Variants in ZFHX3 observed in about 807,000 individuals in gnomAD.
ZFHX3 encodes the protein zinc finger homeobox 3.
In ZFHX3, 42 loss-of-function variants were observed where a neutral mutation model predicts 279.1. The observed-to-expected ratio is 0.15, with a 90% CI of 0.12 to 0.19. The LOEUF (loss-of-function observed/expected upper bound fraction) is 0.19, where lower values mean the gene tolerates loss of function less well. ZFHX3 is among the 10% of genes least tolerant of loss of function. ZFHX3 has a pLI of 1.00. For missense variants in ZFHX3, 4,981 were observed against 4,754.0 expected, an observed-to-expected ratio of 1.05 and a Z score of -1.40; for synonymous variants, 2,293 against 1,957.8, an observed-to-expected ratio of 1.17 and a Z score of -4.52.
At chr16:72,904,043 T>C (rs1476476167) in intron 3 of ZFHX3, among the ~76,000 whole-genome samples, 1 of 152,176 alleles carries the variant, frequency 6.6e-6, no homozygotes, top group Non-Finnish European at 1.5e-5. Flanking sequence ...AATATTTCTA[T>C]CCTCAGTTCT....
At chr16:72,988,591 G>C (rs1258033137) in intron 1 of ZFHX3, among the ~76,000 whole-genome samples, 1 of 152,194 alleles carries the variant, frequency 6.6e-6, no homozygotes, top group Non-Finnish European at 1.5e-5. Flanking sequence ...AAGTGATCCT[G>C]ATTGGAATTC....
intron 2 of ZFHX3, among the ~76,000 whole-genome samples, chr16:73,595,704 A>G (rs886623035): frequency 6.6e-6 from 1 of 152,084 alleles, no homozygotes; most frequent in Non-Finnish European, 1.5e-5. Flanking sequence ...ATCTCTTCTT[A>G]AATATCTCCC....
chr16:73,702,919 T>A (rs1368398085), intron 1 of ZFHX3, among the ~76,000 whole-genome samples: 1 of 152,158 alleles, frequency 6.6e-6, no homozygotes, highest in Non-Finnish European at 1.5e-5. Flanking sequence ...GAAATGAACC[T>A]CATAACTACC....
rs546649740 is a variant in ZFHX3, at chr16:73,669,093, G to C, written c.-1547+11087C>G. On this transcript the variant is annotated intron_variant, in intron 2 of 17. Coordinates refer to the ZFHX3 transcript ENST00000641206. The stretch of plus-strand genomic sequence containing the variant: ...TTTCTATTTTTTTTTAAGCTCTGTC[G>C]GCCAGGCTGGAGTGCAGTGGTGCGA... 2.8e-5 allele frequency among the ~76,000 whole-genome samples: 4 copies of C among 142,940 alleles called. No individual in the cohort carries two copies. The East Asian group carries it at 6.1e-4, about 22-fold the overall frequency. 93.8% of individuals were successfully genotyped at this position (142,940 alleles called of 152,430 possible). A position where few individuals can be genotyped will look rare whatever the true frequency, so the allele number is the denominator to read the frequency against.
chr16:73,848,010 C>G (rs2639325), intron 1 of ZFHX3, among the ~76,000 whole-genome samples: 3 of 150,210 alleles, frequency 2.0e-5, no homozygotes, highest in Admixed American at 6.7e-5. Flanking sequence ...CCACCCACCT[C>G]GGCTTCCCAA....
chr16:72,815,075 C>G (rs898041594), intron 5 of ZFHX3, among the ~76,000 whole-genome samples: 37 of 152,130 alleles, frequency 2.4e-4, no homozygotes, highest in African/African-American at 8.0e-4. Flanking sequence ...AGACATCGTA[C>G]CAAAGTCGTT....
At chr16:73,612,205 A>AT (rs528483471) in intron 2 of ZFHX3, among the ~76,000 whole-genome samples, 73 of 150,272 alleles carry the variant, frequency 4.9e-4, no homozygotes, top group African/African-American at 3.9e-4. Flanking sequence ...ACTTGCAATG[A>AT]TTTTTTTTTT....
intron 4 of ZFHX3, among the ~76,000 whole-genome samples, chr16:72,878,201 A>T (rs1029911397): frequency 6.6e-6 from 1 of 151,770 alleles, no homozygotes; most frequent in African/African-American, 2.4e-5. Context: ...CAAAAACAAA[A>T]ACAAAAAAAC....
intron 2 of ZFHX3, among the ~76,000 whole-genome samples, chr16:73,625,858 G>A (rs1476107069): frequency 2.0e-5 from 3 of 152,024 alleles, no homozygotes; most frequent in African/African-American, 7.2e-5. Context: ...TTTTCTCTTT[G>A]TTTTGTTTTT....
chr16:73,605,980 G>A (rs2052175342), intron 2 of ZFHX3, among the ~76,000 whole-genome samples: 1 of 151,552 alleles, frequency 6.6e-6, no homozygotes. Context: ...GTCAGGAGAT[G>A]AGACCATCCT....
chr16:73,577,592 C>T (rs2051813974), intron 2 of ZFHX3, among the ~76,000 whole-genome samples: 1 of 152,136 alleles, frequency 6.6e-6, no homozygotes, highest in Non-Finnish European at 1.5e-5. Context: ...TCCCAACCTC[C>T]CAAAAAATTC....
chr16:72,846,055 C>T (rs1362722853), intron 4 of ZFHX3, among the ~76,000 whole-genome samples: 1 of 152,208 alleles, frequency 6.6e-6, no homozygotes, highest in Admixed American at 6.5e-5. Flanking sequence ...GTGGCACCTA[C>T]CCCAGGCATT....
intron 2 of ZFHX3, among the ~76,000 whole-genome samples, chr16:73,459,815 C>A (rs1438837434): frequency 6.6e-6 from 1 of 151,986 alleles, no homozygotes; most frequent in African/African-American, 2.4e-5. Flanking sequence ...GAAAGAGCCC[C>A]TTACAAAACC....
At chr16:73,286,015 C>T (rs571247505) in intron 4 of ZFHX3, among the ~76,000 whole-genome samples, 3 of 152,126 alleles carry the variant, frequency 2.0e-5, no homozygotes, top group South Asian at 2.1e-4. Flanking sequence ...TCATAATATG[C>T]GCAGAAAAGC....
At chr16:73,373,242 T>C (rs1413845496) in intron 3 of ZFHX3, among the ~76,000 whole-genome samples, 3 of 152,160 alleles carry the variant, frequency 2.0e-5, no homozygotes, top group Non-Finnish European at 4.4e-5. Flanking sequence ...TGGGTGGCTA[T>C]TCATTTCCTA....
chr16:73,696,685 T>A (rs1459214568), intron 1 of ZFHX3, among the ~76,000 whole-genome samples: 1 of 152,198 alleles, frequency 6.6e-6, no homozygotes, highest in African/African-American at 2.4e-5. Context: ...GCCAGCAGAT[T>A]TGTGACCCTG....
chr16:72,871,828 G>A (rs1009187044), intron 4 of ZFHX3, among the ~76,000 whole-genome samples: 1 of 151,972 alleles, frequency 6.6e-6, no homozygotes, highest in Non-Finnish European at 1.5e-5. Context: ...GCTCACGCCT[G>A]TAATCCCAAC....
intron 7 of ZFHX3, among the ~76,000 whole-genome samples, chr16:73,129,000 C>T (rs1597168262): frequency 6.6e-6 from 1 of 152,150 alleles, no homozygotes; most frequent in African/African-American, 2.4e-5. Context: ...TGCCTACTTA[C>T]TTTGTGCTAA....
At chr16:73,084,741 C>T (rs769774890) in intron 8 of ZFHX3, among the ~76,000 whole-genome samples, 3 of 151,856 alleles carry the variant, frequency 2.0e-5, no homozygotes, top group Non-Finnish European at 4.4e-5. Flanking sequence ...AGGATGGTCT[C>T]GATCTCCTGG....
Sources: allele counts gnomAD v4.1 joint callset (sites outside exome capture counted in the v4.1 genomes callset), GRCh38; gene constraint gnomAD v4.1.1; transcripts MANE v1.5; gene names NCBI Gene and HGNC (gene_info 2026-07-23, HGNC 2026-07-21).